ZNF723: variants seen among roughly 807,000 people sequenced by gnomAD.
ZNF723 encodes zinc finger protein 723, pseudogene.
Under a neutral mutation model 9.4 loss-of-function variants are expected in ZNF723, and 5 were observed. The observed-to-expected ratio is 0.53, with a 90% CI of 0.28 to 1.12. The LOEUF (loss-of-function observed/expected upper bound fraction) is 1.12, where lower values mean the gene tolerates loss of function less well. Ranked by LOEUF, ZNF723 falls within the 50% of genes most tolerant of loss-of-function variation. ZNF723 has a pLI of 0.10. For synonymous variants in ZNF723, 158 were observed against 168.8 expected, an observed-to-expected ratio of 0.94 and a Z score of 0.49; for missense variants, 450 against 501.5, an observed-to-expected ratio of 0.90 and a Z score of 0.98.
At chr19:22,829,546 A>G (rs568942431), upstream of ZNF723, among the ~76,000 whole-genome samples, 1 of 152,240 alleles carries the variant, frequency 6.6e-6, no homozygotes, top group South Asian at 2.1e-4. Context: ...CGGCCTTCCA[A>G]AGTGCTGGGA....
At chr19:22,842,989 G>A (rs1967268376) in intron 1 of ZNF723, among the ~76,000 whole-genome samples, 1 of 152,200 alleles carries the variant, frequency 6.6e-6, no homozygotes, top group South Asian at 2.1e-4. Flanking sequence ...GGTATAAATA[G>A]AATCTGATGG....
At chr19:22,826,390 G>T in the ZNF723 span, among the ~76,000 whole-genome samples, 1 of 152,182 alleles carries the variant, frequency 6.6e-6, no homozygotes, top group Non-Finnish European at 1.5e-5. Flanking sequence ...CAACATTAGG[G>T]CAACCAGTAA....
intron 2 of ZNF723, 148 bp from the exon 3 acceptor site, chr19:22,849,050 C>T: frequency 3.0e-6 from 1 of 329,972 alleles, no homozygotes; most frequent in Admixed American, 4.9e-5. Flanking sequence ...TCACCGCAGC[C>T]AGCCCATTTT....
chr19:22,852,102 T>A (rs1213032125), intron 3 of ZNF723, among the ~76,000 whole-genome samples: 3 of 152,178 alleles, frequency 2.0e-5, no homozygotes, highest in African/African-American at 7.2e-5. Flanking sequence ...ATTTTTTTTA[T>A]AAAATCAAAA....
chr19:22,830,740 G>A (rs1030136447), upstream of ZNF723, among the ~76,000 whole-genome samples: 6 of 152,090 alleles, frequency 3.9e-5, no homozygotes, highest in African/African-American at 1.4e-4. Context: ...AATATTGATT[G>A]TAAAAATTGC....
chr19:22,844,622 ACCTTTT>A (rs1967285283), intron 1 of ZNF723, among the ~76,000 whole-genome samples: 2 of 152,196 alleles, frequency 1.3e-5, no homozygotes, highest in Admixed American at 1.3e-4. Context: ...AGGCACTCCT[ACCTTTT>A]ATTGCCTCTG....
intron 2 of ZNF723, among the ~76,000 whole-genome samples, chr19:22,848,899 C>A (rs1311335505): frequency 6.6e-6 from 1 of 151,902 alleles, no homozygotes; most frequent in Non-Finnish European, 1.5e-5. Flanking sequence ...GGAGTAGAGG[C>A]ATGTGCCACC....
rs77414288 is a variant in ZNF723 at position 22,846,306 on chromosome 19, C to T, written c.4-1955C>T. 4.4e-3 allele frequency among the ~76,000 whole-genome samples: 672 copies of T among 152,178 alleles called. 3 individuals carry two copies. Among genetic ancestry groups the T allele is most frequent in the Non-Finnish European group, 7.1e-3 (481 of 68,024 alleles). The stretch of plus-strand genomic sequence containing the variant: ...TGTTCCCCATTAGCACTATGCAGAA[C>T]GGGATTAAGGAAATGCTTACTTAAA... On this transcript the variant is annotated intron_variant, in intron 1 of 3. Transcript: ENST00000600766.
intron 1 of ZNF723, among the ~76,000 whole-genome samples, chr19:22,835,362 A>G (rs117772217): frequency 1.3e-5 from 2 of 151,732 alleles, no homozygotes; most frequent in Admixed American, 6.6e-5. Flanking sequence ...TGCCACCTTG[A>G]AAAGATTTGT....
At chr19:22,839,558 C>T (rs1221882249) in intron 1 of ZNF723, among the ~76,000 whole-genome samples, 1 of 151,406 alleles carries the variant, frequency 6.6e-6, no homozygotes, top group Non-Finnish European at 1.5e-5. Flanking sequence ...TCTCCACCTC[C>T]TGCTTCCCAG....
At position 22,858,439 on chromosome 19, in the gene ZNF723, CT is replaced by C; in HGVS notation, c.*11del. 1 of 674,090 alleles carries C rather than the reference CT, an allele frequency of 1.5e-6. No individual in the cohort carries two copies. Among genetic ancestry groups the C allele is most frequent in the Non-Finnish European group, 2.5e-6 (1 of 398,396 alleles). 41.8% of individuals were successfully genotyped at this position (674,090 alleles called of 1,614,324 possible). ...CACAAACCTTAAAGATGTGACAATG[CT>C]TTTTATGAAATCCCAAACTTTTTTA... On this transcript the variant is annotated 3_prime_UTR_variant, in exon 4 of 4. Coordinates refer to ENST00000600766, the MANE Select transcript of ZNF723 (RefSeq NM_001349726.2).
chr19:22,837,443 A>G (rs1490232182), intron 1 of ZNF723, among the ~76,000 whole-genome samples: 1 of 152,122 alleles, frequency 6.6e-6, no homozygotes, highest in Non-Finnish European at 1.5e-5. Flanking sequence ...TTCAGAATTC[A>G]AATGTTAGAC....
chr19:22,849,621 T>A (rs1399451907), intron 3 of ZNF723, among the ~76,000 whole-genome samples: 1 of 152,088 alleles, frequency 6.6e-6, no homozygotes. Flanking sequence ...TTTATAAAAC[T>A]CTGTTAGGCT....
At chr19:22,827,586 T>C (rs528543473), upstream of ZNF723, among the ~76,000 whole-genome samples, 1 of 152,062 alleles carries the variant, frequency 6.6e-6, no homozygotes, top group Admixed American at 6.5e-5. Flanking sequence ...TGGCTGGGAT[T>C]ATAGGTACGC....
chr19:22,851,167 A>G (rs1343254881), intron 3 of ZNF723, among the ~76,000 whole-genome samples: 1 of 151,622 alleles, frequency 6.6e-6, no homozygotes, highest in East Asian at 1.9e-4. Context: ...TTATTTATTT[A>G]TTTATTTATT....
chr19:22,821,149 AAAG>A, the ZNF723 span, among the ~76,000 whole-genome samples: 1 of 152,304 alleles, frequency 6.6e-6, no homozygotes, highest in East Asian at 1.9e-4. Context: ...GACCAAACAT[AAAG>A]AAGGTCTTGA....
chr19:22,844,231 A>T (rs1967280937), intron 1 of ZNF723, among the ~76,000 whole-genome samples: 1 of 152,252 alleles, frequency 6.6e-6, no homozygotes, highest in Non-Finnish European at 1.5e-5. Flanking sequence ...GATTCCATTT[A>T]GCATCTTGTT....
upstream of ZNF723, among the ~76,000 whole-genome samples, chr19:22,829,853 A>G (rs1967076208): frequency 6.6e-6 from 1 of 152,186 alleles, no homozygotes; most frequent in Non-Finnish European, 1.5e-5. Flanking sequence ...ACGTTCAAAT[A>G]AGGCAAATTC....
At chr19:22,816,225 A>G in the ZNF723 span, among the ~76,000 whole-genome samples, 1 of 152,196 alleles carries the variant, frequency 6.6e-6, no homozygotes, top group Non-Finnish European at 1.5e-5. Flanking sequence ...ACACTCATAT[A>G]TACACCAAGC....
Sources: gnomAD v4.1 joint callset for allele counts (sites outside exome capture counted in the v4.1 genomes callset) on GRCh38, gnomAD v4.1.1 for gene constraint, MANE v1.5 for transcripts, NCBI Gene and HGNC (gene_info 2026-07-23, HGNC 2026-07-21) for gene names.